FILIP1L: variants seen among roughly 807,000 people sequenced by gnomAD.
The protein encoded by FILIP1L is filamin A-interacting protein 1-like.
A neutral mutation model predicts 96.6 loss-of-function variants in FILIP1L; 55 were observed. The observed-to-expected ratio is 0.57, with a 90% CI of 0.46 to 0.71. FILIP1L has a LOEUF of 0.71. Ranked by LOEUF, FILIP1L falls within the 30% of genes least tolerant of loss-of-function variation. The pLI, the probability that FILIP1L is intolerant of heterozygous loss-of-function variation, is 0.00. For synonymous variants in FILIP1L, 467 were observed against 473.9 expected (o/e 0.99, Z 0.19); for missense variants, 1,304 against 1,321.2 (o/e 0.99, Z 0.20).
chr3:99,829,694 T>C lies in FILIP1L; in HGVS notation c.*720A>G, dbSNP rs754199492. Among the ~76,000 whole-genome samples, 3 of 152,220 alleles carry C rather than the reference T, an allele frequency of 2.0e-5. No homozygotes were observed. Among genetic ancestry groups the C allele is most frequent in the Non-Finnish European group, 4.4e-5 (3 of 68,048 alleles). On this transcript the variant is annotated 3_prime_UTR_variant, in exon 6 of 6. Transcript: ENST00000477258. ...GAAGAGATATGAATAAACAATGTCCTGTGAGATGATAAATTCTGTATTTTT... is the reference window on the plus strand; with the variant it reads ...GAAGAGATATGAATAAACAATGTCCCGTGAGATGATAAATTCTGTATTTTT...
At chr3:100,004,285 A>G (rs1709926381) in intron 1 of FILIP1L, among the ~76,000 whole-genome samples, 1 of 152,174 alleles carries the variant, frequency 6.6e-6, no homozygotes. Context: ...TTTAGAGTGA[A>G]CTGAAACTGT....
intron 1 of FILIP1L, among the ~76,000 whole-genome samples, chr3:100,006,452 A>G (rs1189506285): frequency 3.3e-5 from 5 of 152,036 alleles, no homozygotes; most frequent in African/African-American, 7.3e-5. Flanking sequence ...TTTGGTTCCT[A>G]TCTTTCAGTG....
intron 4 of FILIP1L, among the ~76,000 whole-genome samples, chr3:99,889,804 C>G (rs1004547197): frequency 6.6e-6 from 1 of 151,926 alleles, no homozygotes; most frequent in Non-Finnish European, 1.5e-5. Context: ...TAATCCTCCT[C>G]CAAAAAAATC....
At chr3:99,885,972 G>T (rs1705881803) in intron 4 of FILIP1L, among the ~76,000 whole-genome samples, 1 of 152,188 alleles carries the variant, frequency 6.6e-6, no homozygotes, top group Admixed American at 6.5e-5. Flanking sequence ...TGTGCATGAG[G>T]ATATTTCTGA....
intron 1 of FILIP1L, among the ~76,000 whole-genome samples, chr3:100,099,744 C>T (rs2066272765): frequency 6.6e-6 from 1 of 152,102 alleles, no homozygotes; most frequent in African/African-American, 2.4e-5. Context: ...AGATTAAAAC[C>T]TCTCATAAGA....
chr3:100,043,182 C>A (rs968431362), intron 1 of FILIP1L, among the ~76,000 whole-genome samples: 2 of 152,226 alleles, frequency 1.3e-5, no homozygotes, highest in Non-Finnish European at 2.9e-5. Context: ...GAGAGGCTTT[C>A]TTCAGGCATA....
intron 1 of FILIP1L, among the ~76,000 whole-genome samples, chr3:100,001,237 A>G (rs1387132282): frequency 1.3e-5 from 2 of 152,230 alleles, no homozygotes; most frequent in East Asian, 1.9e-4. Flanking sequence ...CAGCAGATCA[A>G]ATCAGACCCT....
chr3:99,859,032 G>A (rs1465910479), intron 4 of FILIP1L, among the ~76,000 whole-genome samples: 5 of 152,200 alleles, frequency 3.3e-5, no homozygotes, highest in African/African-American at 2.4e-5. Context: ...GCCTTCAAAT[G>A]TTCTCTCCCA....
chr3:99,864,027 T>C (rs1341970458), intron 4 of FILIP1L, among the ~76,000 whole-genome samples: 1 of 152,244 alleles, frequency 6.6e-6, no homozygotes, highest in Non-Finnish European at 1.5e-5. Flanking sequence ...TACAACTTCA[T>C]GCTAAAGAAA....
At chr3:99,840,888 G>C (rs1037532765) in intron 5 of FILIP1L, among the ~76,000 whole-genome samples, 1 of 152,158 alleles carries the variant, frequency 6.6e-6, no homozygotes, top group African/African-American at 2.4e-5. Context: ...CTTAACTGAG[G>C]CTTTGTTAAT....
intron 1 of FILIP1L, among the ~76,000 whole-genome samples, chr3:100,032,324 C>T (rs1173017609): frequency 1.3e-5 from 2 of 152,128 alleles, no homozygotes; most frequent in Non-Finnish European, 1.5e-5. Context: ...TTTTGATTTA[C>T]TCTCTTAAGA....
intron 5 of FILIP1L, chr3:99,833,226 A>T: frequency 6.2e-7 from 1 of 1,611,314 alleles, no homozygotes; most frequent in Non-Finnish European, 8.5e-7. Context: ...AGTCTGAAGG[A>T]TGTTGAGTTC....
At chr3:99,883,422 C>A (rs1705793556) in intron 4 of FILIP1L, among the ~76,000 whole-genome samples, 1 of 152,136 alleles carries the variant, frequency 6.6e-6, no homozygotes, top group Non-Finnish European at 1.5e-5. Flanking sequence ...ACCCTGTGTC[C>A]AAAAGGTTGG....
At chr3:100,036,678 A>G (rs2065113643) in intron 1 of FILIP1L, among the ~76,000 whole-genome samples, 1 of 152,238 alleles carries the variant, frequency 6.6e-6, no homozygotes, top group African/African-American at 2.4e-5. Flanking sequence ...ACAATTTTTT[A>G]AAAGTTCAGT....
At chr3:100,091,673 A>G (rs1042617073) in intron 1 of FILIP1L, among the ~76,000 whole-genome samples, 7 of 152,198 alleles carry the variant, frequency 4.6e-5, no homozygotes, top group Non-Finnish European at 8.8e-5. Flanking sequence ...GAGTATCCCA[A>G]ATTCCTGTTT....
intron 1 of FILIP1L, among the ~76,000 whole-genome samples, chr3:99,965,195 G>A (rs563461319): frequency 6.6e-6 from 1 of 152,230 alleles, no homozygotes; most frequent in Non-Finnish European, 1.5e-5. Flanking sequence ...TGAGGGATAT[G>A]TGCTTAAATT....
At chr3:100,092,361 C>T (rs1339094621) in intron 1 of FILIP1L, among the ~76,000 whole-genome samples, 1 of 151,860 alleles carries the variant, frequency 6.6e-6, no homozygotes, top group South Asian at 2.1e-4. Context: ...GTCTGTTTAC[C>T]CCAAAGACAA....
intron 1 of FILIP1L, among the ~76,000 whole-genome samples, chr3:100,052,431 T>A (rs115217944): frequency 1.4e-3 from 209 of 152,312 alleles, no homozygotes; most frequent in African/African-American, 4.7e-3. Context: ...GGTGTATCCG[T>A]GTGCATGTCC....
chr3:99,863,627 T>C (rs1192986156), intron 4 of FILIP1L, among the ~76,000 whole-genome samples: 20 of 152,362 alleles, frequency 1.3e-4, no homozygotes, highest in Non-Finnish European at 1.5e-5. Context: ...TTCAGTCTAT[T>C]TTGTGTACTT....
Sources: gnomAD v4.1 joint callset for allele counts (sites outside exome capture counted in the v4.1 genomes callset) on GRCh38, gnomAD v4.1.1 for gene constraint, MANE v1.5 for transcripts, NCBI Gene and HGNC (gene_info 2026-07-23, HGNC 2026-07-21) for gene names.